ROBO2: variants seen among roughly 807,000 people sequenced by gnomAD.
ROBO2 encodes the protein roundabout homolog 2.
A neutral mutation model predicts 160.8 loss-of-function variants in ROBO2; 53 were observed. The ratio of observed to expected loss-of-function variants is 0.33; its 90% confidence interval spans 0.26 to 0.41. ROBO2 has a LOEUF of 0.41. ROBO2 is among the 10% of genes least tolerant of loss of function. ROBO2 has a pLI of 1.00. For synonymous variants in ROBO2, 664 were observed against 611.7 expected (o/e 1.09, Z -1.26); for missense variants, 1,577 against 1,722.4 (o/e 0.92, Z 1.49).
chr3:76,049,565 A>G (rs371116454), intron 2 of ROBO2, among the ~76,000 whole-genome samples: 8 of 151,486 alleles, frequency 5.3e-5, no homozygotes, highest in African/African-American at 1.7e-4. Flanking sequence ...TTTAGTGTAT[A>G]TGTATTAAAT....
intron 2 of ROBO2, among the ~76,000 whole-genome samples, chr3:77,341,956 T>C (rs1238238423): frequency 6.6e-6 from 1 of 152,136 alleles, no homozygotes; most frequent in African/African-American, 2.4e-5. Flanking sequence ...AAAGAAAGCA[T>C]ATTCTTGGAA....
chr3:76,960,283 C>A (rs1309811967), intron 2 of ROBO2, among the ~76,000 whole-genome samples: 1 of 151,910 alleles, frequency 6.6e-6, no homozygotes, highest in Non-Finnish European at 1.5e-5. Flanking sequence ...CACATAGTGA[C>A]CAGAGCTCAA....
intron 2 of ROBO2, among the ~76,000 whole-genome samples, chr3:75,958,551 A>G (rs1483841782): frequency 6.6e-6 from 1 of 151,734 alleles, no homozygotes; most frequent in East Asian, 2.0e-4. Context: ...GAAATTTATG[A>G]AGGGCTGAGG....
chr3:76,600,014 G>T (rs551118202), intron 2 of ROBO2, among the ~76,000 whole-genome samples: 2 of 152,256 alleles, frequency 1.3e-5, no homozygotes, highest in Admixed American at 6.5e-5. Flanking sequence ...TCTGTTGATA[G>T]TTTCCTTTGC....
chr3:76,843,816 A>G (rs539624309), intron 2 of ROBO2, among the ~76,000 whole-genome samples: 9 of 152,200 alleles, frequency 5.9e-5, no homozygotes, highest in African/African-American at 2.2e-4. Flanking sequence ...ACGACCAGGT[A>G]CAAAAGTTAT....
At chr3:76,204,012 C>A (rs1454005922) in intron 2 of ROBO2, among the ~76,000 whole-genome samples, 1 of 152,190 alleles carries the variant, frequency 6.6e-6, no homozygotes, top group Non-Finnish European at 1.5e-5. Context: ...TTAATAAATT[C>A]TCCTCAGATT....
chr3:76,868,057 A>T (rs1242929765), intron 2 of ROBO2, among the ~76,000 whole-genome samples: 2 of 152,306 alleles, frequency 1.3e-5, no homozygotes, highest in Middle Eastern at 3.4e-3. Flanking sequence ...ATTTGGCTCC[A>T]TTTTAGGAGT....
chr3:75,917,988 G>T (rs1287396377), intron 1 of ROBO2, among the ~76,000 whole-genome samples: 1 of 152,052 alleles, frequency 6.6e-6, no homozygotes, highest in African/African-American at 2.4e-5. Context: ...TAGTTTGCCT[G>T]TTCACTCTGG....
intron 9 of ROBO2, 41 bp downstream of exon 10, chr3:77,558,190 A>G (rs368490330): frequency 8.1e-5 from 122 of 1,504,834 alleles, no homozygotes; most frequent in East Asian, 3.8e-4. Flanking sequence ...TCATCTACAC[A>G]TAAGTACTGC....
At chr3:76,767,963 G>A (rs1036673614) in intron 2 of ROBO2, among the ~76,000 whole-genome samples, 9 of 151,458 alleles carry the variant, frequency 5.9e-5, no homozygotes, top group African/African-American at 2.2e-4. Context: ...AGGATTTTTT[G>A]GTAGTAAGTA....
At chr3:76,113,631 G>A (rs1342315188) in intron 2 of ROBO2, among the ~76,000 whole-genome samples, 1 of 152,090 alleles carries the variant, frequency 6.6e-6, no homozygotes, top group African/African-American at 2.4e-5. Flanking sequence ...TAGTGATGAA[G>A]AGAACCAAAC....
At chr3:77,056,348 A>G (rs6806636) in intron 1 of ROBO2, among the ~76,000 whole-genome samples, 108,984 of 151,724 alleles carry the variant, frequency 0.72, 41,257 homozygotes, top group Middle Eastern at 0.87. Flanking sequence ...TAAAGACCTA[A>G]TTTTGTTGGA....
intron 2 of ROBO2, among the ~76,000 whole-genome samples, chr3:76,411,596 AT>A (rs959328653): frequency 3.3e-5 from 5 of 151,846 alleles, no homozygotes; most frequent in South Asian, 2.1e-4. Flanking sequence ...TAGGGAAGAC[AT>A]TTTTTTTCCA....
At chr3:77,574,799 T>C in intron 14 of ROBO2, 69 bp downstream of exon 15, 1 of 1,122,396 alleles carries the variant, frequency 8.9e-7, no homozygotes, top group Non-Finnish European at 1.3e-6. Context: ...ACCTATTTGT[T>C]ATCTTCCTTA....
chr3:76,366,105 T>A (rs2108438123), intron 2 of ROBO2, among the ~76,000 whole-genome samples: 1 of 152,196 alleles, frequency 6.6e-6, no homozygotes. Flanking sequence ...GAAAATAGAA[T>A]GTCATTGTTC....
At chr3:77,108,251 CATATATATGTATACACATATGCAT>C (rs1560025819) in intron 2 of ROBO2, among the ~76,000 whole-genome samples, 1,542 of 121,260 alleles carry the variant, frequency 0.013, 19 homozygotes, top group Non-Finnish European at 0.019. Flanking sequence ...TACACATATG[CATATATATGTATACACATATGCAT>C]ATATATATAT....
intron 2 of ROBO2, among the ~76,000 whole-genome samples, chr3:76,873,898 A>G (rs1328486683): frequency 1.3e-5 from 2 of 152,172 alleles, no homozygotes; most frequent in East Asian, 1.9e-4. Context: ...CCACCCAGAA[A>G]GACAAGGCCT....
chr3:76,291,889 A>G (rs1708820643), intron 2 of ROBO2, among the ~76,000 whole-genome samples: 1 of 151,652 alleles, frequency 6.6e-6, no homozygotes, highest in African/African-American at 2.4e-5. Context: ...TGTAGTTGAT[A>G]TGATTTTTTT....
chr3:77,119,858 A>G (rs1045131423), intron 2 of ROBO2, among the ~76,000 whole-genome samples: 1 of 152,210 alleles, frequency 6.6e-6, no homozygotes, highest in Non-Finnish European at 1.5e-5. Context: ...TCATGTGAGC[A>G]CATTGACATT....
Sources: allele counts gnomAD v4.1 joint callset (sites outside exome capture counted in the v4.1 genomes callset), GRCh38; gene constraint gnomAD v4.1.1; transcripts MANE v1.5; gene names NCBI Gene and HGNC (gene_info 2026-07-23, HGNC 2026-07-21).